TTN: variants seen among roughly 807,000 people sequenced by gnomAD.
The protein encoded by TTN is connectin.
Under a neutral mutation model 3,223.0 loss-of-function variants are expected in TTN, and 1,525 were observed. The ratio of observed to expected loss-of-function variants is 0.47; its 90% CI spans 0.45 to 0.49. The LOEUF is 0.49. TTN is among the 20% of genes least tolerant of loss of function. TTN has a pLI of 0.00. For synonymous variants in TTN, 14,094 were observed against 15,161.0 expected, an observed-to-expected ratio of 0.93 and a Z score of 5.17; for missense variants, 40,786 against 43,424.0, an observed-to-expected ratio of 0.94 and a Z score of 5.40.
chr2:178,745,994 G>C, intron 47 of TTN: 1 of 1,612,684 alleles, frequency 6.2e-7, no homozygotes. Flanking sequence ...ATCTCCCATG[G>C]TGAGGAATCC....
Position 178,731,883 on chromosome 2 carries a change from A to T in TTN, c.16992T>A (p.Pro5664=). 1 of 1,613,774 alleles carries T rather than the reference A, an allele frequency of 6.2e-7. No homozygotes were observed. The highest frequency in any genetic ancestry group is 1.3e-5 in the African/African-American group (1 of 75,024). ...CTTTGAACCAAGTGATCTCAAAGGG[A>T]GGAGTGCCTGCCACCTCAGCCAGCA... The part of the protein sequence containing the change: ...VMLLAEVAGT[P]PFEITWFKDN... Residue 5664 remains proline, a synonymous_variant, in exon 58 of 363, where the codon CCT becomes CCA. Coordinates refer to ENST00000589042, the MANE Select transcript of TTN (RefSeq NM_001267550.2).
intron 359 of TTN, 158 bp from the exon 360 acceptor site, chr2:178,529,377 A>G: frequency 2.0e-6 from 1 of 506,150 alleles, no homozygotes; most frequent in Non-Finnish European, 3.3e-6. Flanking sequence ...ACTTTTGGAA[A>G]ATTATCATGT....
chr2:178,775,621 G>C lies in TTN; in HGVS notation c.6243C>G (p.Phe2081Leu). 1 of 1,614,080 alleles carries C rather than the reference G, an allele frequency of 6.2e-7. No homozygotes were observed. The highest frequency in any genetic ancestry group is 8.5e-7 in the Non-Finnish European group (1 of 1,180,000). Residue 2081 changes from phenylalanine to leucine, a missense_variant, in exon 28 of 363, where the codon TTC becomes TTG. Coordinates refer to ENST00000589042, the MANE Select transcript of TTN (RefSeq NM_001267550.2). ...CCACTGTTTGGCTCTGGATTCTTTCGAAGATTTTTGGAGCCTCCATACTAG... is the reference window on the plus strand; with the variant it reads ...CCACTGTTTGGCTCTGGATTCTTTCCAAGATTTTTGGAGCCTCCATACTAG... ...LSPSMEAPKI[F>L]ERIQSQTVGQ...
intron 307 of TTN, 50 bp from the exon 308 acceptor site, chr2:178,586,857 C>T: frequency 1.3e-6 from 2 of 1,585,918 alleles, no homozygotes; most frequent in African/African-American, 1.4e-5. Context: ...CTAATCAAAT[C>T]CCCTTTGTTA....
chr2:178,609,856 C>T lies in TTN; in HGVS notation c.51567G>A (p.Lys17189=). ...TGCATCTCTTCCACCTTTCTTCACC[C>T]TTAGCAATCTTCTCTATGATGTAGC... ...IMGYIIEKIA[K]GEERWKRCNE... The change falls in exon 272 of 363, where the codon AAG becomes AAA. Residue 17189 remains lysine, a synonymous_variant. Coordinates refer to ENST00000589042, the MANE Select transcript of TTN (RefSeq NM_001267550.2). The T allele has an allele frequency of 6.2e-7, 1 of 1,612,998 alleles. No individual in the cohort carries two copies.
rs765461830 is a variant in TTN, at chr2:178,563,175, C to T, written c.82957G>A (p.Gly27653Ser). Reference sequence around the variant, plus strand: ...GGTAGAGTTGCAGGTTCACCTACACCTTCAGAATTGATGGCACAAATACGG... The same window carrying T: ...GGTAGAGTTGCAGGTTCACCTACACTTTCAGAATTGATGGCACAAATACGG... The part of the protein sequence containing the change: ...NFRICAINSE[G>S]VGEPATLPGS... The change falls in exon 326 of 363, where the codon GGT (glycine) becomes AGT (serine). Residue 27653 changes from glycine (G) to serine (S), a missense_variant. By Grantham distance (56) the Gly-to-Ser change is moderately conservative. Transcript: ENST00000589042. The surrounding 1 kb of genome is among the most constrained non-coding windows in gnomAD (Gnocchi z 4.5). The T allele has an allele frequency of 1.2e-6, 2 of 1,613,742 alleles. No individual in the cohort carries two copies. The highest frequency in any genetic ancestry group is 2.2e-5 in the East Asian group (1 of 44,866).
chr2:178,720,456 A>G lies in TTN; in HGVS notation c.23306T>C (p.Val7769Ala). 1.2e-6 allele frequency: 2 copies of G among 1,613,716 alleles called. No homozygotes were observed. The highest frequency in any genetic ancestry group is 1.7e-6 in the Non-Finnish European group (2 of 1,179,684). ...AGTAGCTTTGCAGTGATATTCCCCG[A>G]CATCGGAGGCTTCAAGATTAAGGAT... ...LHILNLEASD[V>A]GEYHCKATNE... The change falls in exon 80 of 363, where the codon GTC (valine) becomes GCC (alanine). Residue 7769 changes from valine to alanine, a missense_variant. Val to Ala is a moderately conservative substitution (Grantham distance 64, BLOSUM62 0). Coordinates refer to ENST00000589042, the MANE Select transcript of TTN (RefSeq NM_001267550.2).
chr2:178,728,644 T>A lies in TTN; in HGVS notation c.19282A>T (p.Ser6428Cys), dbSNP rs727505137. The change falls in exon 66 of 363, where the codon AGT becomes TGT. Residue 6428 changes from serine to cysteine, a missense_variant. Transcript: ENST00000589042. Reference protein sequence around the residue: ...WLKDGKQIVPSRYFSMSFENN... With the variant: ...WLKDGKQIVPCRYFSMSFENN... ...TCAAAACTCATTGAAAAGTATCTAC[T>A]GGGAACTATTTGTTTCCCGTCTTTA... 5 of 1,613,224 alleles carry A rather than the reference T, an allele frequency of 3.1e-6. No homozygotes were observed. Among genetic ancestry groups the A allele is most frequent in the East Asian group, 4.5e-5 (2 of 44,794 alleles).
chr2:178,696,050 G>T lies in TTN; in HGVS notation c.31022C>A (p.Pro10341Gln), dbSNP rs1272987111. 6.4e-7 allele frequency: 1 copy of T among 1,550,832 alleles called. No individual in the cohort carries two copies. The highest frequency in any genetic ancestry group is 8.7e-7 in the Non-Finnish European group (1 of 1,146,622). The change falls in exon 114 of 363, where the codon CCA becomes CAA. Residue 10341 changes from proline to glutamine, a missense_variant. Transcript: ENST00000589042. ...CTTAATCTCTTCATAGTCTTCATCT[G>T]GTTCTTCATAATAAGGTTGTTCAAA... ...EPFEQPYYEE[P>Q]DEDYEEIKVE...
rs755368896 is a variant in TTN at position 178,634,109 on chromosome 2, T to C, written c.42416-26A>G. On this transcript the variant is annotated intron_variant, in intron 230 of 362. Transcript: ENST00000589042. This position sits in a 1 kb window ranked among gnomAD's most constrained non-coding sequence, Gnocchi z 4.6. ...CTGAAATGCAAGCATAGATAATGCC[T>C]CAGAAACACAATTCACCTTCAGAAA... The C allele has an allele frequency of 1.2e-6, 2 of 1,608,988 alleles. No individual in the cohort carries two copies. Among genetic ancestry groups the C allele is most frequent in the Admixed American group, 3.4e-5 (2 of 59,400 alleles).
At position 178,711,089 on chromosome 2, in the gene TTN, A is replaced by C. The variant is rs1197465402; in HGVS notation, c.28147T>G (p.Ser9383Ala). The C allele has an allele frequency of 6.2e-7, 1 of 1,602,712 alleles. No individual in the cohort carries two copies. The highest frequency in any genetic ancestry group is 2.2e-5 in the East Asian group (1 of 44,776). Residue 9383 changes from serine to alanine, a missense_variant, in exon 97 of 363, where the codon TCT (serine) becomes GCT (alanine). Ser to Ala is a moderately conservative substitution (Grantham distance 99). Transcript: ENST00000589042. ...GTGAGAATGAGCCTGGCACTGGAAG[A>C]AGCAGAGCCTATAGGGTTTGTAGCT... is the stretch of plus-strand genomic sequence containing the variant. ...CTATNPIGSA[S>A]SSARLILTEG...
In TTN at chr2:178,612,262, A is replaced by C. The variant is rs1289559582; in HGVS notation, c.50248+15T>G. On this transcript the variant is annotated intron_variant, in intron 266 of 362. Transcript: ENST00000589042. ...AGAGCACTTATTGTCACAAAGATTA[A>C]GTGCAAGAGCATACTAAAGGTGTCT... 2 of 1,608,724 alleles carry C rather than the reference A, an allele frequency of 1.2e-6. No homozygotes were observed. The highest frequency in any genetic ancestry group is 1.7e-5 in the Admixed American group (1 of 58,818).
chr2:178,597,882 T>C (rs377306060), intron 293 of TTN, 26 bp downstream of exon 293: 343 of 1,612,876 alleles, frequency 2.1e-4, no homozygotes, highest in Non-Finnish European at 2.6e-4. Context: ...TAAATACTGA[T>C]GGCATAAGGA....
chr2:178,651,234 G>C lies in TTN; in HGVS notation c.39625+9C>G. 1 of 1,610,398 alleles carries C rather than the reference G, an allele frequency of 6.2e-7. No homozygotes were observed. Among genetic ancestry groups the C allele is most frequent in the Non-Finnish European group, 8.5e-7 (1 of 1,177,394 alleles). On this transcript the variant is annotated intron_variant, in intron 208 of 362. Coordinates refer to ENST00000589042, the MANE Select transcript of TTN (RefSeq NM_001267550.2). ...TGCTTTTCTGCAGAATCTCATTAGT[G>C]ACATGTACCTTTTGCTGGTGGGACT...
chr2:178,675,881 A>G (rs1406439584), intron 148 of TTN, 40 bp downstream of exon 148: 1 of 1,583,116 alleles, frequency 6.3e-7, no homozygotes, highest in Admixed American at 1.8e-5. Flanking sequence ...AGGAGAAGGA[A>G]GGAAATGGCA....
At position 178,553,595 on chromosome 2, in the gene TTN, C is replaced by T. The variant is rs747784568; in HGVS notation, c.89410G>A (p.Val29804Ile). ...GCAGATACCCGGAAGTAGTAATTGACTCCAGGTTTCAGGTTGGATACCACA... is the reference window on the plus strand; with the variant it reads ...GCAGATACCCGGAAGTAGTAATTGATTCCAGGTTTCAGGTTGGATACCACA... ...EYVVSNLKPGVNYYFRVSAVN... is the reference protein window; with the variant it reads ...EYVVSNLKPGINYYFRVSAVN... Residue 29804 changes from valine to isoleucine, a missense_variant, in exon 334 of 363, where the codon GTC (valine) becomes ATC (isoleucine). Transcript: ENST00000589042. 1.5e-5 allele frequency: 25 copies of T among 1,613,864 alleles called. No homozygotes were observed. The South Asian group carries it at 2.5e-4, about 16-fold the overall frequency.
rs1454558974 is a variant in TTN, at chr2:178,633,041, A to C, written c.43090T>G (p.Cys14364Gly). 6.2e-7 allele frequency: 1 copy of C among 1,612,596 alleles called. No individual in the cohort carries two copies. The highest frequency in any genetic ancestry group is 1.3e-5 in the African/African-American group (1 of 74,866). Residue 14364 changes from cysteine (C) to glycine (G), a missense_variant, in exon 234 of 363, where the codon TGT (cysteine) becomes GGT (glycine). Cys to Gly is a radical substitution (Grantham distance 159, BLOSUM62 -3). Transcript: ENST00000589042. ...TTCTTTCCATCCTCAATGATTTCAC[A>C]GTCCTGTTTGGAGTGAGGGTTAGAA... ...KGQPLTASPD[C>G]EIIEDGKKHI...
intron 18 of TTN, 36 bp downstream of exon 18, chr2:178,782,770 C>T: frequency 1.2e-6 from 2 of 1,612,028 alleles, no homozygotes; most frequent in Non-Finnish European, 8.5e-7. Context: ...AAAGTGATGG[C>T]ATGTGCATTA....
Position 178,724,107 on chromosome 2 carries a change from T to C in TTN, c.21152A>G (p.Lys7051Arg). The C allele has an allele frequency of 6.2e-7, 1 of 1,612,866 alleles. No homozygotes were observed. The highest frequency in any genetic ancestry group is 8.5e-7 in the Non-Finnish European group (1 of 1,179,164). Residue 7051 changes from lysine (K) to arginine (R), a missense_variant, in exon 73 of 363, where the codon AAA becomes AGA. Lys to Arg is a conservative substitution (Grantham distance 26, BLOSUM62 2). Coordinates refer to ENST00000589042, the MANE Select transcript of TTN (RefSeq NM_001267550.2). ...AGCACCTAACACCCCACCAGTATTT[T>C]TCAGTCTTCGTGTGAAAGAGGGAGG... ...AVPPSFTRRL[K>R]NTGGVLGASC...
Sources: allele counts gnomAD v4.1 joint callset, GRCh38; gene constraint gnomAD v4.1.1; non-coding constraint Gnocchi (gnomAD v3.1); transcripts MANE v1.5; gene names NCBI Gene and HGNC (gene_info 2026-07-23, HGNC 2026-07-21).